MUC3A: variants seen among roughly 807,000 people sequenced by gnomAD.
The protein encoded by MUC3A is mucin 3A, cell surface associated, also known as mucin-3A.
Under a neutral mutation model 109.0 loss-of-function variants are expected in MUC3A, and 109 were observed. That is an observed-to-expected ratio of 1.00 (90% CI 0.86 to 1.17). MUC3A has a LOEUF of 1.17. Among genes scored for constraint, MUC3A ranks in the 50% most tolerant of loss-of-function variants. MUC3A has a pLI of 0.00. For synonymous variants in MUC3A, 1,398 were observed against 981.4 expected (o/e 1.42, Z -7.93); for missense variants, 3,537 against 2,469.4 (o/e 1.43, Z -9.16).
Position 100,960,508 on chromosome 7 carries a change from C to T in MUC3A, c.8729C>T (p.Thr2910Ile), listed in dbSNP as rs1211548670. ...ATCCTGAGGACTTCAAGCAAGTCAA[C>T]ACACCCCTCCCCACCCACCACTAGG... ...PTILRTSSKS[T>I]HPSPPTTRTS... Residue 2910 changes from threonine to isoleucine, a missense_variant, in exon 2 of 12, where the codon ACA becomes ATA. Transcript: ENST00000379458. 6.3e-7 allele frequency: 1 copy of T among 1,598,598 alleles called. No homozygotes were observed. Among genetic ancestry groups the T allele is most frequent in the African/African-American group, 1.3e-5 (1 of 74,964 alleles).
chr7:100,963,971 G>A lies in MUC3A; in HGVS notation c.9233+219G>A, dbSNP rs2116217512. 4.5e-6 allele frequency: 3 copies of A among 668,648 alleles called. No homozygotes were observed. The East Asian group carries it at 8.1e-5, about 18-fold the overall frequency. The allele number at this position is 668,648 out of a possible 1,614,324, so 41.4% of individuals were successfully genotyped here. On this transcript the variant is annotated intron_variant, in intron 5 of 11. Transcript: ENST00000379458. ...TCTTCTTCAGCACACTGGAAGGAGA[G>A]AAGTTGCAGGGACATGTGGGAAGGT...
chr7:100,960,660 C>G lies in MUC3A; in HGVS notation c.8866+15C>G, dbSNP rs1254005163. 1.9e-6 allele frequency: 3 copies of G among 1,594,074 alleles called. No individual in the cohort carries two copies. The highest frequency in any genetic ancestry group is 1.7e-6 in the Non-Finnish European group (2 of 1,177,206). On this transcript the variant is annotated intron_variant, in intron 2 of 11. Coordinates refer to ENST00000379458, the MANE Select transcript of MUC3A (RefSeq NM_005960.2). Reference sequence around the variant, plus strand: ...CACCACTGCAGGTTGGACCTTCTGCCTCTCTGTTCCCCTCCTTCCTCCCCT... The same window carrying G: ...CACCACTGCAGGTTGGACCTTCTGCGTCTCTGTTCCCCTCCTTCCTCCCCT...
chr7:100,966,659 G>C lies in MUC3A; in HGVS notation c.9793G>C (p.Asp3265His). Residue 3265 changes from aspartate (D) to histidine (H), a missense_variant, in exon 10 of 12, where the codon GAC becomes CAC. Coordinates refer to ENST00000379458, the MANE Select transcript of MUC3A (RefSeq NM_005960.2). Reference sequence around the variant, plus strand: ...CGCGGCGGCCCCACCTAGGTCCTGGGACCAGGACAGGAAATGGTTCGAGAC... The same window carrying C: ...CGCGGCGGCCCCACCTAGGTCCTGGCACCAGGACAGGAAATGGTTCGAGAC... ...WGGQRRGRSWDQDRKWFETWD... is the reference protein window; with the variant it reads ...WGGQRRGRSWHQDRKWFETWD... 1 of 1,598,468 alleles carries C rather than the reference G, an allele frequency of 6.3e-7. No individual in the cohort carries two copies. The highest frequency in any genetic ancestry group is 8.5e-7 in the Non-Finnish European group (1 of 1,179,828).
In MUC3A at chr7:100,967,429, G is replaced by C; in HGVS notation, c.*267G>C. On this transcript the variant is annotated 3_prime_UTR_variant, in exon 12 of 12. Transcript: ENST00000379458. ...CTCAGTTTCCTCACCTGCAAAACGG[G>C]TACAGCATTCCTGTATGATAGCTCA... The C allele has an allele frequency of 3.3e-6, 2 of 604,158 alleles. No individual in the cohort carries two copies. Among genetic ancestry groups the C allele is most frequent in the Non-Finnish European group, 2.9e-6 (1 of 342,006 alleles). The allele number at this position is 604,158 out of a possible 1,614,324, so 37.4% of individuals were successfully genotyped here. A position where few individuals can be genotyped will look rare whatever the true frequency, so the allele number is the denominator to read the frequency against.
chr7:100,961,108 C>T (rs1041016438), intron 3 of MUC3A, 171 bp downstream of exon 3: 3 of 977,422 alleles, frequency 3.1e-6, no homozygotes, highest in African/African-American at 1.8e-5. Context: ...TCCTCTCCGT[C>T]CTCACCCTTA....
intron 1 of MUC3A, among the ~76,000 whole-genome samples, chr7:100,951,463 C>T (rs1791938890): frequency 7.1e-6 from 1 of 141,622 alleles, no homozygotes; most frequent in Admixed American, 7.1e-5. Flanking sequence ...GGGAGCACTC[C>T]AGGCAGTAGC....
chr7:100,962,266 A>T (rs1289476118), intron 3 of MUC3A, among the ~76,000 whole-genome samples: 1 of 145,382 alleles, frequency 6.9e-6, no homozygotes, highest in Admixed American at 6.8e-5. Flanking sequence ...AAAAAAAAAA[A>T]ACTTACCTGG....
chr7:100,954,578 C>T lies in MUC3A; in HGVS notation c.2799C>T (p.Thr933=), dbSNP rs1370817764. 6 of 400,984 alleles carry T rather than the reference C, an allele frequency of 1.5e-5. No homozygotes were observed. Among genetic ancestry groups the T allele is most frequent in the East Asian group, 3.6e-5 (1 of 28,124 alleles). 24.8% of individuals were successfully genotyped at this position (400,984 alleles called of 1,614,324 possible). The part of the protein sequence containing the change: ...HTESISSPRG[T]TSTLHTTVES... ...AGAGTATCTCCTCACCTCGAGGCAC[C>T]ACCAGTACACTCCACACAACAGTTG... The change falls in exon 2 of 12, where the codon ACC becomes ACT. Residue 933 remains threonine (T), a synonymous_variant. Coordinates refer to ENST00000379458, the MANE Select transcript of MUC3A (RefSeq NM_005960.2).
chr7:100,963,208 A>T lies in MUC3A; in HGVS notation c.9110A>T (p.Asp3037Val), dbSNP rs1792399078. 6.3e-7 allele frequency: 1 copy of T among 1,598,378 alleles called. No homozygotes were observed. Among genetic ancestry groups the T allele is most frequent in the African/African-American group, 1.3e-5 (1 of 75,076 alleles). Residue 3037 changes from aspartate to valine, a missense_variant, in exon 4 of 12, where the codon GAC (aspartate) becomes GTC (valine). Coordinates refer to ENST00000379458, the MANE Select transcript of MUC3A (RefSeq NM_005960.2). ...EVSVDQQFSP[D>V]LNDNTSQAYR... ...TCTGTGGATCAGCAGTTCTCGCCGG[A>T]CCTCAATGACAACACTTCCCAGGCC...
At position 100,960,141 on chromosome 7, in the gene MUC3A, G is replaced by C. The variant is rs372090180; in HGVS notation, c.8362G>C (p.Glu2788Gln). The C allele has an allele frequency of 5.8e-5, 90 of 1,554,544 alleles. No individual in the cohort carries two copies. Among genetic ancestry groups the C allele is most frequent in the Admixed American group, 1.8e-4 (10 of 57,074 alleles). The change falls in exon 2 of 12, where the codon GAA (glutamate) becomes CAA (glutamine). Residue 2788 changes from glutamate to glutamine, a missense_variant. Physicochemically the swap from Glu to Gln is conservative, Grantham distance 29. Coordinates refer to ENST00000379458, the MANE Select transcript of MUC3A (RefSeq NM_005960.2). ...TGCCTCCCCCACTGATCCATGTGTT[G>C]AAATGGATCCCAGCACTGAAGCTAC... ...VPASPTDPCV[E>Q]MDPSTEATSP...
Position 100,958,049 on chromosome 7 carries a change from T to C in MUC3A, c.6270T>C (p.Thr2090=), listed in dbSNP as rs1792148167. 2.2e-6 allele frequency: 3 copies of C among 1,358,476 alleles called. No individual in the cohort carries two copies. Among genetic ancestry groups the C allele is most frequent in the Non-Finnish European group, 3.1e-6 (3 of 962,508 alleles). The allele number at this position is 1,358,476 out of a possible 1,614,324, so 84.2% of individuals were successfully genotyped here. The change falls in exon 2 of 12, where the codon ACT becomes ACC. Residue 2090 remains threonine, a synonymous_variant. Coordinates refer to ENST00000379458, the MANE Select transcript of MUC3A (RefSeq NM_005960.2). ...CCACCGAGACCCCCTCACACAGTACTCTCAGCTTCACTTCTTCAATCACCA... is the reference window on the plus strand; with the variant it reads ...CCACCGAGACCCCCTCACACAGTACCCTCAGCTTCACTTCTTCAATCACCA... ...ITTTETPSHS[T]LSFTSSITTT...
At chr7:100,962,530 C>A (rs1229920784) in intron 3 of MUC3A, among the ~76,000 whole-genome samples, 2 of 152,308 alleles carry the variant, frequency 1.3e-5, no homozygotes, top group Non-Finnish European at 2.9e-5. Context: ...ACATGGACAT[C>A]TTCCCACTAT....
In MUC3A at chr7:100,959,681, A is replaced by G; in HGVS notation, c.7902A>G (p.Thr2634=). 2 of 1,598,524 alleles carry G rather than the reference A, an allele frequency of 1.3e-6. No individual in the cohort carries two copies. Among genetic ancestry groups the G allele is most frequent in the Non-Finnish European group, 8.5e-7 (1 of 1,179,800 alleles). Residue 2634 remains threonine (T), a synonymous_variant, in exon 2 of 12, where the codon ACA becomes ACG. Coordinates refer to ENST00000379458, the MANE Select transcript of MUC3A (RefSeq NM_005960.2). The part of the protein sequence containing the change: ...VSTSQVPIPS[T]HSSTLQTTPS... ...CATCACAGGTTCCTATTCCTAGCACACATTCCTCCACCCTTCAAACAACTC... is the reference window on the plus strand; with the variant it reads ...CATCACAGGTTCCTATTCCTAGCACGCATTCCTCCACCCTTCAAACAACTC...
Position 100,959,840 on chromosome 7 carries a change from T to C in MUC3A, c.8061T>C (p.Thr2687=), listed in dbSNP as rs1792254807. ...CCATCATCTGGTCCTCAACACCCACTATTATCATGTCCTCTTCTCCATCTT... is the reference window on the plus strand; with the variant it reads ...CCATCATCTGGTCCTCAACACCCACCATTATCATGTCCTCTTCTCCATCTT... ...FSTIIWSSTP[T]IIMSSSPSSA... is the part of the protein sequence containing the mutation. The change falls in exon 2 of 12, where the codon ACT becomes ACC. Residue 2687 remains threonine, a synonymous_variant. Transcript: ENST00000379458. 6.4e-7 allele frequency: 1 copy of C among 1,573,440 alleles called. No individual in the cohort carries two copies. The highest frequency in any genetic ancestry group is 1.7e-4 in the Middle Eastern group (1 of 5,930).
rs1792331643 is a variant in MUC3A at position 100,961,677 on chromosome 7, G to A, written c.9052+740G>A. Among the ~76,000 whole-genome samples, 3 of 99,142 alleles carry A rather than the reference G, an allele frequency of 3.0e-5. No individual in the cohort carries two copies. The South Asian group carries it at 1.2e-3, about 40-fold the overall frequency. 65.0% of individuals were successfully genotyped at this position (99,142 alleles called of 152,430 possible). A position where few individuals can be genotyped will look rare whatever the true frequency, so the allele number is the denominator to read the frequency against. On this transcript the variant is annotated intron_variant, in intron 3 of 11. Transcript: ENST00000379458. The stretch of plus-strand genomic sequence containing the variant: ...ACTGTCTCTACTATTAGTTGGGCAT[G>A]GTGGCAGATGCCTAAATCCTCACTA...
chr7:100,957,815 C>T lies in MUC3A; in HGVS notation c.6036C>T (p.Ser2012=), dbSNP rs1460610467. 1.9e-5 allele frequency: 2 copies of T among 106,214 alleles called. No homozygotes were observed. The highest frequency in any genetic ancestry group is 4.8e-4 in the African/African-American group (2 of 4,204). The allele number at this position is 106,214 out of a possible 1,614,324, so 6.6% of individuals were successfully genotyped here. The change falls in exon 2 of 12, where the codon TCC becomes TCT. Residue 2012 remains serine, a synonymous_variant. Coordinates refer to ENST00000379458, the MANE Select transcript of MUC3A (RefSeq NM_005960.2). ...TSHSTPSFTS[S]ITTTETTSHN... is the part of the protein sequence containing the mutation. ...ACAGTACTCCCAGCTTCACTTCTTC[C>T]ATCACCACCACTGAGACCACATCCC...
rs28705341 is a variant in MUC3A at position 100,958,670 on chromosome 7, C to G, written c.6891C>G (p.Thr2297=). The change falls in exon 2 of 12, where the codon ACC becomes ACG. Residue 2297 remains threonine (T), a synonymous_variant. Transcript: ENST00000379458. ...TPSSTSLITT[T]KTTSHSTPSF... ...GCTCCACTTCTTTAATCACCACCACCAAGACCACCTCACACAGTACTCCCA... is the reference window on the plus strand; with the variant it reads ...GCTCCACTTCTTTAATCACCACCACGAAGACCACCTCACACAGTACTCCCA... The G allele has an allele frequency of 1.6e-5, 11 of 695,352 alleles. No individual in the cohort carries two copies. The highest frequency in any genetic ancestry group is 2.0e-5 in the Non-Finnish European group (11 of 547,008). 43.1% of individuals were successfully genotyped at this position (695,352 alleles called of 1,614,324 possible).
chr7:100,965,226 T>G (rs1248183594), intron 6 of MUC3A, 56 bp from the exon 7 acceptor site: 16 of 1,586,962 alleles, frequency 1.0e-5, no homozygotes, highest in East Asian at 2.2e-5. Flanking sequence ...GCTAACCCCT[T>G]GACCTTAACC....
At position 100,967,459 on chromosome 7, in the gene MUC3A, G is replaced by A. The variant is rs971984760; in HGVS notation, c.*297G>A. The stretch of plus-strand genomic sequence containing the variant: ...GCATTCCTGTATGATAGCTCACGCC[G>A]TTGTTGTGAAAACCACATAGACTTG... On this transcript the variant is annotated 3_prime_UTR_variant, in exon 12 of 12. Transcript: ENST00000379458. The A allele has an allele frequency of 8.6e-6, 5 of 578,296 alleles. No homozygotes were observed. The South Asian group carries it at 1.1e-4, about 13-fold the overall frequency. The allele number at this position is 578,296 out of a possible 1,614,324, so 35.8% of individuals were successfully genotyped here. A position where few individuals can be genotyped will look rare whatever the true frequency, so the allele number is the denominator to read the frequency against.
Sources: gnomAD v4.1 joint callset for allele counts (sites outside exome capture counted in the v4.1 genomes callset) on GRCh38, gnomAD v4.1.1 for gene constraint, MANE v1.5 for transcripts, NCBI Gene and HGNC (gene_info 2026-07-23, HGNC 2026-07-21) for gene names.